The following SDR42E1 variants were observed in gnomAD, a reference collection of about 807,000 sequenced individuals.
SDR42E1 encodes the protein short-chain dehydrogenase/reductase family 42E member 1.
Under a neutral mutation model 2.6 loss-of-function variants are expected in SDR42E1, and 5 were observed. The ratio of observed to expected loss-of-function variants is 1.94; its 90% CI spans 1.01 to 4.08. The LOEUF (loss-of-function observed/expected upper bound fraction) is 4.08, where lower values mean the gene tolerates loss of function less well. Ranked by LOEUF, SDR42E1 falls within the 30% of genes most tolerant of loss-of-function variation. The probability of loss-of-function intolerance (pLI) is 0.00; values close to 1 mark genes in which losing one functional copy is unlikely to be tolerated. For missense variants in SDR42E1, 596 were observed against 478.6 expected (o/e 1.25, Z -2.29); for synonymous variants, 231 against 188.3 (o/e 1.23, Z -1.86).
Position 81,997,752 on chromosome 16 carries a change from T to A in SDR42E1, c.*1359A>T, listed in dbSNP as rs1216815531. 6.6e-6 allele frequency: 1 copy of A among 152,200 alleles called. No homozygotes were observed. The highest frequency in any genetic ancestry group is 2.4e-5 in the African/African-American group (1 of 41,446). The allele number at this position is 152,200 out of a possible 1,614,324, so 9.4% of individuals were successfully genotyped here. A position where few individuals can be genotyped will look rare whatever the true frequency, so the allele number is the denominator to read the frequency against. On this transcript the variant is annotated 3_prime_UTR_variant, in exon 3 of 3. Transcript: ENST00000328945. ...GGGTTTATACAAAGGGCAAATGCAG[T>A]CAGTCCCAGCTCCCAAGTGAGGAAG...
At chr16:82,001,630 C>A (rs532904706) in intron 1 of SDR42E1, among the ~76,000 whole-genome samples, 2 of 152,044 alleles carry the variant, frequency 1.3e-5, no homozygotes, top group African/African-American at 4.8e-5. Flanking sequence ...AGGCCAGGCA[C>A]GGTGGCTCAC....
rs1321164764 is a variant in SDR42E1 at position 81,997,383 on chromosome 16, C to A, written c.*1728G>T. On this transcript the variant is annotated 3_prime_UTR_variant, in exon 3 of 3. Transcript: ENST00000328945. ...AATACGGAAATACCTTTGTGTATTTCCTTCCCCTACTGAATAGGATTGACC... is the reference window on the plus strand; with the variant it reads ...AATACGGAAATACCTTTGTGTATTTACTTCCCCTACTGAATAGGATTGACC... The A allele has an allele frequency of 6.6e-6, 1 of 152,156 alleles. No individual in the cohort carries two copies. The highest frequency in any genetic ancestry group is 1.9e-4 in the East Asian group (1 of 5,188). The allele number at this position is 152,156 out of a possible 1,614,324, so 9.4% of individuals were successfully genotyped here.
Position 82,000,020 on chromosome 16 carries a change from A to G in SDR42E1, c.273T>C (p.Asn91=). 6.2e-7 allele frequency: 1 copy of G among 1,614,202 alleles called. No homozygotes were observed. Among genetic ancestry groups the G allele is most frequent in the Non-Finnish European group, 8.5e-7 (1 of 1,180,032 alleles). The change falls in exon 3 of 3, where the codon AAT becomes AAC. Residue 91 remains asparagine (N), a synonymous_variant. Coordinates refer to ENST00000328945, the MANE Select transcript of SDR42E1 (RefSeq NM_145168.3). ...SYGMSGREQL[N]RNLIKEVNVR... is the part of the protein sequence containing the mutation. Reference sequence around the variant, plus strand: ...CGTTGACTTCTTTGATCAGGTTTCGATTGAGTTGCTCCCGCCCTGACATAC... The same window carrying G: ...CGTTGACTTCTTTGATCAGGTTTCGGTTGAGTTGCTCCCGCCCTGACATAC...
chr16:81,999,036 T>C lies in SDR42E1; in HGVS notation c.*75A>G. 9 of 1,484,740 alleles carry C rather than the reference T, an allele frequency of 6.1e-6. No homozygotes were observed. Among genetic ancestry groups the C allele is most frequent in the Non-Finnish European group, 6.4e-6 (7 of 1,101,412 alleles). The allele number at this position is 1,484,740 out of a possible 1,614,324, so 92.0% of individuals were successfully genotyped here. ...GCCAATGTTTGGCACCAGATATCAC[T>C]GTACACATTTTAAAACCCATGTTTC... On this transcript the variant is annotated 3_prime_UTR_variant, in exon 3 of 3. Coordinates refer to ENST00000328945, the MANE Select transcript of SDR42E1 (RefSeq NM_145168.3).
At chr16:82,005,832 C>T (rs1344439586) in intron 1 of SDR42E1, among the ~76,000 whole-genome samples, 1 of 150,994 alleles carries the variant, frequency 6.6e-6, no homozygotes, top group Non-Finnish European at 1.5e-5. Flanking sequence ...CAAGAAACAA[C>T]AAAAAAAACC....
At chr16:82,010,919 A>G (rs895873361) in intron 1 of SDR42E1, among the ~76,000 whole-genome samples, 1 of 152,248 alleles carries the variant, frequency 6.6e-6, no homozygotes, top group Non-Finnish European at 1.5e-5. Flanking sequence ...TTCATCTGGT[A>G]TTATGACTAG....
Position 81,997,294 on chromosome 16 carries a change from G to A in SDR42E1, c.*1817C>T, listed in dbSNP as rs1005854558. 2.0e-5 allele frequency: 3 copies of A among 152,192 alleles called. No individual in the cohort carries two copies. Among genetic ancestry groups the A allele is most frequent in the Non-Finnish European group, 4.4e-5 (3 of 68,040 alleles). 9.4% of individuals were successfully genotyped at this position (152,192 alleles called of 1,614,324 possible). A position where few individuals can be genotyped will look rare whatever the true frequency, so the allele number is the denominator to read the frequency against. On this transcript the variant is annotated 3_prime_UTR_variant, in exon 3 of 3. Coordinates refer to ENST00000328945, the MANE Select transcript of SDR42E1 (RefSeq NM_145168.3). Reference sequence around the variant, plus strand: ...CAACGTTTCATGGAAAAGGAAGGATGACTCACATCGGGCCAAGAGCTCAGC... The same window carrying A: ...CAACGTTTCATGGAAAAGGAAGGATAACTCACATCGGGCCAAGAGCTCAGC...
rs1412541252 is a variant in SDR42E1 at position 82,000,148 on chromosome 16, C to G, written c.145G>C (p.Glu49Gln). Reference sequence around the variant, plus strand: ...TCTCCTTGTATAAACTTGATTCCTTCTGGAATGGTTTGAGCAGGGCTGCTG... The same window carrying G: ...TCTCCTTGTATAAACTTGATTCCTTGTGGAATGGTTTGAGCAGGGCTGCTG... ...DISSPAQTIP[E>Q]GIKFIQGDIR... Residue 49 changes from glutamate to glutamine, a missense_variant, in exon 3 of 3, where the codon GAA becomes CAA. Physicochemically the swap from Glu to Gln is conservative, Grantham distance 29 (BLOSUM62 2). Transcript: ENST00000328945. The G allele has an allele frequency of 1.2e-6, 2 of 1,614,158 alleles. No individual in the cohort carries two copies. Among genetic ancestry groups the G allele is most frequent in the South Asian group, 2.2e-5 (2 of 91,088 alleles).
chr16:82,001,988 A>T (rs1912782454), intron 1 of SDR42E1, among the ~76,000 whole-genome samples: 4 of 151,122 alleles, frequency 2.6e-5, no homozygotes. Flanking sequence ...ACACACACAC[A>T]CACATATACC....
chr16:82,009,036 C>T (rs1235357774), intron 1 of SDR42E1, among the ~76,000 whole-genome samples: 1 of 152,158 alleles, frequency 6.6e-6, no homozygotes, highest in African/African-American at 2.4e-5. Flanking sequence ...AAGCCCCAAG[C>T]CTTGGAAACT....
rs112184172 is a variant in SDR42E1, at chr16:82,010,354, G to A, written c.-27+1033C>T. 1.7e-3 allele frequency among the ~76,000 whole-genome samples: 253 copies of A among 152,316 alleles called. 1 individual carries two copies. Among genetic ancestry groups the A allele is most frequent in the African/African-American group, 5.7e-3 (236 of 41,578 alleles). The stretch of plus-strand genomic sequence containing the variant: ...GGCAGGGTTCAGGACTTGAAGCCGG[G>A]TCTGTATGACTCTTAACCACTACAT... On this transcript the variant is annotated intron_variant, in intron 1 of 2. Coordinates refer to ENST00000328945, the MANE Select transcript of SDR42E1 (RefSeq NM_145168.3).
In SDR42E1 at chr16:82,006,816, C is replaced by A. The variant is rs141564788; in HGVS notation, c.-27+4571G>T. On this transcript the variant is annotated intron_variant, in intron 1 of 2. Transcript: ENST00000328945. Reference sequence around the variant, plus strand: ...CTCAAAAAAAACAAAAAACAAAAAACCAAAAGGCCAAACACACCTTGGAAG... The same window carrying A: ...CTCAAAAAAAACAAAAAACAAAAAAACAAAAGGCCAAACACACCTTGGAAG... Among the ~76,000 whole-genome samples, 621 of 152,132 alleles carry A rather than the reference C, an allele frequency of 4.1e-3. 5 individuals carry two copies. Among genetic ancestry groups the A allele is most frequent in the African/African-American group, 0.014 (585 of 41,522 alleles).
intron 2 of SDR42E1, chr16:82,000,538 C>T (rs536946105): frequency 1.5e-5 from 9 of 585,900 alleles, no homozygotes; most frequent in Non-Finnish European, 2.7e-5. Context: ...TGTGAAAGAA[C>T]AGCTATGATT....
At chr16:82,005,568 G>T (rs1162917585) in intron 1 of SDR42E1, among the ~76,000 whole-genome samples, 1 of 152,172 alleles carries the variant, frequency 6.6e-6, no homozygotes, top group African/African-American at 2.4e-5. Flanking sequence ...AGCCAGAAGG[G>T]AGAAAAGAGA....
intron 1 of SDR42E1, among the ~76,000 whole-genome samples, chr16:82,005,913 C>G (rs568998560): frequency 3.9e-4 from 59 of 151,850 alleles, no homozygotes; most frequent in African/African-American, 1.4e-3. Flanking sequence ...TAAGGTAAAG[C>G]GAGGGTAATA....
intron 1 of SDR42E1, among the ~76,000 whole-genome samples, chr16:82,006,267 A>G (rs1423043168): frequency 6.6e-6 from 1 of 152,194 alleles, no homozygotes; most frequent in Non-Finnish European, 1.5e-5. Context: ...GTTTTAAATC[A>G]CTGTACAAGT....
At chr16:82,006,752 C>T (rs1388306625) in intron 1 of SDR42E1, among the ~76,000 whole-genome samples, 1 of 152,110 alleles carries the variant, frequency 6.6e-6, no homozygotes, top group African/African-American at 2.4e-5. Flanking sequence ...GCAGACTGCA[C>T]CACTATACTC....
chr16:82,000,058 T>C lies in SDR42E1; in HGVS notation c.235A>G (p.Ile79Val), dbSNP rs749018288. The C allele has an allele frequency of 1.2e-6, 2 of 1,614,206 alleles. No homozygotes were observed. The highest frequency in any genetic ancestry group is 1.7e-5 in the Admixed American group (1 of 60,022). ...QDADVTCVFH[I>V]ASYGMSGREQ... ...CGCCCTGACATACCATAAGAGGCAA[T>C]ATGGAACACACAAGTGACGTCTGCA... The change falls in exon 3 of 3, where the codon ATT becomes GTT. Residue 79 changes from isoleucine (I) to valine (V), a missense_variant. Physicochemically the swap from Ile to Val is conservative, Grantham distance 29. Transcript: ENST00000328945.
At chr16:82,000,982 T>G in intron 1 of SDR42E1, 98 bp from the exon 2 acceptor site, 2 of 728,502 alleles carry the variant, frequency 2.7e-6, no homozygotes, top group East Asian at 2.8e-5. Context: ...TACGCTGTAG[T>G]AGAATGAAAA....
Sources: gnomAD v4.1 joint callset for allele counts (sites outside exome capture counted in the v4.1 genomes callset) on GRCh38, gnomAD v4.1.1 for gene constraint, MANE v1.5 for transcripts, NCBI Gene and HGNC (gene_info 2026-07-23, HGNC 2026-07-21) for gene names.